Variants in DTX4 observed in about 807,000 individuals in gnomAD.
DTX4 encodes the protein E3 ubiquitin-protein ligase DTX4.
Under a neutral mutation model 57.6 loss-of-function variants are expected in DTX4, and 28 were observed. The observed-to-expected ratio is 0.49, with a 90% CI of 0.36 to 0.67. The LOEUF (loss-of-function observed/expected upper bound fraction) is 0.67. Ranked by LOEUF, DTX4 falls within the 30% of genes least tolerant of loss-of-function variation. The pLI, the probability that DTX4 is intolerant of heterozygous loss-of-function variation, is 0.00. For missense variants in DTX4, 715 were observed against 836.8 expected (o/e 0.85, Z 1.80); for synonymous variants, 316 against 331.0 (o/e 0.95, Z 0.49).
chr11:59,191,058 G>T (rs1456395789), intron 4 of DTX4, 56 bp from the exon 5 acceptor site: 3 of 1,516,792 alleles, frequency 2.0e-6, no homozygotes, highest in South Asian at 2.4e-5. Context: ...GCACGACAAG[G>T]CTGTTTGATC....
intron 1 of DTX4, among the ~76,000 whole-genome samples, chr11:59,176,365 C>T (rs1025659801): frequency 6.6e-6 from 1 of 152,184 alleles, no homozygotes; most frequent in African/African-American, 2.4e-5. Context: ...AGTAAGGAAA[C>T]AAATTGAAAG....
chr11:59,204,824 C>T lies in DTX4; in HGVS notation c.1775C>T (p.Pro592Leu). 6.2e-7 allele frequency: 1 copy of T among 1,611,294 alleles called. No individual in the cohort carries two copies. Among genetic ancestry groups the T allele is most frequent in the Non-Finnish European group, 8.5e-7 (1 of 1,178,638 alleles). ...TCTAATCTCACTGGCCATGGCTACC[C>T]AGATGCCAATTACCTGGATAATGTG... The part of the protein sequence containing the change: ...FGSNLTGHGY[P>L]DANYLDNVLA... Residue 592 changes from proline to leucine, a missense_variant, in exon 9 of 9, where the codon CCA becomes CTA. By Grantham distance (98) the Pro-to-Leu change is moderately conservative. Coordinates refer to ENST00000227451, the MANE Select transcript of DTX4 (RefSeq NM_015177.2).
rs757795127 is a variant in DTX4 at position 59,182,412 on chromosome 11, C to G, written c.885C>G (p.Thr295=). ...TGGCCCTGGCCACCTTGAATCGTAC[C>G]AACCTGCAGCGACTGGCCATTGCCC... is the stretch of plus-strand genomic sequence containing the variant. The part of the protein sequence containing the change: ...GRVALATLNR[T]NLQRLAIAQS... The change falls in exon 2 of 9, where the codon ACC becomes ACG. Residue 295 remains threonine, a synonymous_variant. Transcript: ENST00000227451. 6.2e-7 allele frequency: 1 copy of G among 1,613,062 alleles called. No homozygotes were observed. Among genetic ancestry groups the G allele is most frequent in the South Asian group, 1.1e-5 (1 of 90,960 alleles).
chr11:59,186,859 C>T (rs1862535468), intron 2 of DTX4, among the ~76,000 whole-genome samples: 1 of 152,226 alleles, frequency 6.6e-6, no homozygotes, highest in Non-Finnish European at 1.5e-5. Context: ...CTCCTCCATC[C>T]TCCCATCCTG....
At position 59,189,285 on chromosome 11, in the gene DTX4, A is replaced by G. The variant is rs976167160; in HGVS notation, c.1121A>G (p.Asn374Ser). 9.6e-6 allele frequency: 15 copies of G among 1,563,682 alleles called. No homozygotes were observed. Among genetic ancestry groups the G allele is most frequent in the Middle Eastern group, 1.7e-4 (1 of 6,038 alleles). The stretch of plus-strand genomic sequence containing the variant: ...ATAAAATCCATCCCAGGGGTTTCCA[A>G]CACAAGCCGCAAGACCACCAAAAAA... ...SEIKSIPGVS[N>S]TSRKTTKKQA... Residue 374 changes from asparagine to serine, a missense_variant, in exon 4 of 9, where the codon AAC becomes AGC. Coordinates refer to ENST00000227451, the MANE Select transcript of DTX4 (RefSeq NM_015177.2).
chr11:59,205,151 C>A lies in DTX4; in HGVS notation c.*242C>A, dbSNP rs534401927. 2.1e-4 allele frequency: 99 copies of A among 477,158 alleles called. No individual in the cohort carries two copies. The highest frequency in any genetic ancestry group is 3.2e-4 in the Non-Finnish European group (83 of 260,516). The allele number at this position is 477,158 out of a possible 1,614,324, so 29.6% of individuals were successfully genotyped here. On this transcript the variant is annotated 3_prime_UTR_variant, in exon 9 of 9. Coordinates refer to ENST00000227451, the MANE Select transcript of DTX4 (RefSeq NM_015177.2). ...GATGAGGGCCATCCTGGGTCTGTTC[C>A]CATGGAGTTTTTGGTGCTGGGTAGG...
intron 8 of DTX4, among the ~76,000 whole-genome samples, chr11:59,200,407 C>T (rs1862726798): frequency 1.3e-5 from 2 of 152,134 alleles, no homozygotes; most frequent in Admixed American, 1.3e-4. Context: ...TTTTAAGATC[C>T]TGTGTCTAGA....
chr11:59,190,578 C>A (rs1183436415), intron 4 of DTX4, among the ~76,000 whole-genome samples: 1 of 152,184 alleles, frequency 6.6e-6, no homozygotes, highest in Admixed American at 6.5e-5. Context: ...CAGAGGATCA[C>A]CCTTCCCCTG....
rs941313762 is a variant in DTX4 at position 59,208,040 on chromosome 11, T to A, written c.*3131T>A. On this transcript the variant is annotated 3_prime_UTR_variant, in exon 9 of 9. Coordinates refer to ENST00000227451, the MANE Select transcript of DTX4 (RefSeq NM_015177.2). ...GGGGGTTCTGGGAGAGGCAGGTGAA[T>A]GTCCTAAGTGAATTGTTCTGTTTGT... is the stretch of plus-strand genomic sequence containing the variant. 2 of 152,644 alleles carry A rather than the reference T, an allele frequency of 1.3e-5. No homozygotes were observed. Among genetic ancestry groups the A allele is most frequent in the Non-Finnish European group, 2.9e-5 (2 of 68,072 alleles). 9.5% of individuals were successfully genotyped at this position (152,644 alleles called of 1,614,324 possible).
chr11:59,197,531 A>G (rs1862687746), intron 7 of DTX4, among the ~76,000 whole-genome samples: 1 of 152,144 alleles, frequency 6.6e-6, no homozygotes, highest in Non-Finnish European at 1.5e-5. Flanking sequence ...GATTTTAATC[A>G]TCAGTTATTG....
chr11:59,189,382 G>GTCT lies in DTX4; in HGVS notation c.1159+60_1159+62dup. 6 of 1,467,028 alleles carry GTCT rather than the reference G, an allele frequency of 4.1e-6. No homozygotes were observed. The East Asian group carries it at 1.5e-4, about 36-fold the overall frequency. The allele number at this position is 1,467,028 out of a possible 1,614,324, so 90.9% of individuals were successfully genotyped here. A position where few individuals can be genotyped will look rare whatever the true frequency, so the allele number is the denominator to read the frequency against. On this transcript the variant is annotated intron_variant, in intron 4 of 8. Coordinates refer to ENST00000227451, the MANE Select transcript of DTX4 (RefSeq NM_015177.2). ...TCAAAGACTTGGCTGTCAGCCCTGA[G>GTCT]TCTGCCTCAACCTCCAAGGGTCATA...
chr11:59,196,921 A>G (rs1340530203), intron 7 of DTX4, among the ~76,000 whole-genome samples: 1 of 152,158 alleles, frequency 6.6e-6, no homozygotes, highest in Non-Finnish European at 1.5e-5. Flanking sequence ...AATAAATGTA[A>G]TGCTCTTGCA....
At chr11:59,193,134 G>A (rs187605169) in intron 6 of DTX4, among the ~76,000 whole-genome samples, 4 of 152,246 alleles carry the variant, frequency 2.6e-5, no homozygotes, top group Admixed American at 6.5e-5. Flanking sequence ...TGGTCTATAC[G>A]TCTCTTACTG....
intron 7 of DTX4, among the ~76,000 whole-genome samples, chr11:59,197,793 A>C (rs1231810122): frequency 6.6e-6 from 1 of 152,168 alleles, no homozygotes; most frequent in Non-Finnish European, 1.5e-5. Flanking sequence ...TACAGACATG[A>C]ATGAAAAAAC....
chr11:59,175,666 AC>A (rs1289385699), intron 1 of DTX4, among the ~76,000 whole-genome samples: 2 of 152,086 alleles, frequency 1.3e-5, no homozygotes, highest in Non-Finnish European at 2.9e-5. Context: ...GCCATCATTT[AC>A]CTTGACTGGG....
intron 8 of DTX4, among the ~76,000 whole-genome samples, chr11:59,200,392 A>G (rs1862726665): frequency 6.6e-6 from 1 of 152,150 alleles, no homozygotes; most frequent in South Asian, 2.1e-4. Context: ...GCAATAATTC[A>G]TCTATTTTAA....
At chr11:59,178,416 CTT>C (rs1862421376) in intron 1 of DTX4, among the ~76,000 whole-genome samples, 1 of 152,252 alleles carries the variant, frequency 6.6e-6, no homozygotes, top group Admixed American at 6.5e-5. Context: ...CATTCACACA[CTT>C]GTCTTCTAAC....
At chr11:59,202,149 A>G (rs1565222198) in intron 8 of DTX4, among the ~76,000 whole-genome samples, 1 of 152,260 alleles carries the variant, frequency 6.6e-6, no homozygotes, top group Non-Finnish European at 1.5e-5. Context: ...AGCTTGACAT[A>G]TAAGACCTAC....
At chr11:59,188,844 T>G (rs752148541) in intron 3 of DTX4, 48 bp downstream of exon 3, 1 of 1,507,618 alleles carries the variant, frequency 6.6e-7, no homozygotes, top group Non-Finnish European at 9.2e-7. Flanking sequence ...GAAATCAGAG[T>G]GATGAAATAG....
Sources: allele counts gnomAD v4.1 joint callset (sites outside exome capture counted in the v4.1 genomes callset), GRCh38; gene constraint gnomAD v4.1.1; transcripts MANE v1.5; gene names NCBI Gene and HGNC (gene_info 2026-07-23, HGNC 2026-07-21).